Variants in MYOM2 observed in about 807,000 individuals in gnomAD.
MYOM2 encodes myomesin 2, also known as myomesin-2.
A neutral mutation model predicts 187.6 loss-of-function variants in MYOM2; 254 were observed. That is an observed-to-expected ratio of 1.35 (90% CI 1.22 to 1.50). The LOEUF is 1.50. MYOM2 is among the 40% of genes most tolerant of loss of function. MYOM2 has a pLI of 0.00. For synonymous variants in MYOM2, 981 were observed against 753.8 expected, an observed-to-expected ratio of 1.30 and a Z score of -4.94; for missense variants, 2,796 against 1,924.0, an observed-to-expected ratio of 1.45 and a Z score of -8.48.
At chr8:2,052,562 T>C (rs1818528019) in intron 3 of MYOM2, among the ~76,000 whole-genome samples, 2 of 152,212 alleles carry the variant, frequency 1.3e-5, no homozygotes, top group African/African-American at 4.8e-5. Context: ...AAGAGAGCGT[T>C]GCTGTTCAGA....
chr8:2,085,468 G>GTGATCTCTTTGTGGCCCCCCA (rs1819794033), intron 14 of MYOM2, 78 bp downstream of exon 14: 1 of 1,414,776 alleles, frequency 7.1e-7, no homozygotes, highest in Non-Finnish European at 9.4e-7. Context: ...GTGGCCCACC[G>GTGATCTCTTTGTGGCCCCCCA]CTGTCGTGAT....
intron 14 of MYOM2, among the ~76,000 whole-genome samples, chr8:2,086,458 CCA>C (rs1796068419): frequency 6.7e-6 from 1 of 149,552 alleles, no homozygotes; most frequent in African/African-American, 2.5e-5. Context: ...GTCGTGATCT[CCA>C]CGTGGCCACA....
intron 20 of MYOM2, 66 bp downstream of exon 20, chr8:2,101,120 C>T: frequency 1.3e-6 from 2 of 1,534,886 alleles, no homozygotes; most frequent in Admixed American, 1.8e-5. Context: ...TAAAGGCGGG[C>T]CAATCACTTG....
At chr8:2,070,064 C>T (rs1819161286) in intron 8 of MYOM2, among the ~76,000 whole-genome samples, 1 of 152,188 alleles carries the variant, frequency 6.6e-6, no homozygotes, top group Non-Finnish European at 1.5e-5. Flanking sequence ...CCTCTCTGGC[C>T]CTGAGCTGGC....
At position 2,104,135 on chromosome 8, in the gene MYOM2, T is replaced by TA. The variant is rs765284563; in HGVS notation, c.2734+1355dup. On this transcript the variant is annotated intron_variant, in intron 21 of 36. Coordinates refer to ENST00000262113, the MANE Select transcript of MYOM2 (RefSeq NM_003970.4). ...TTTTTAAATATTACTGCTGGATTTT[T>TA]ATCAGAAAATTTTAAAAAGCTGTTG... is the stretch of plus-strand genomic sequence containing the variant. 1.3e-3 allele frequency among the ~76,000 whole-genome samples: 134 copies of TA among 104,700 alleles called. 1 individual carries two copies. The highest frequency in any genetic ancestry group is 2.5e-3 in the Non-Finnish European group (130 of 51,160). 68.7% of individuals were successfully genotyped at this position (104,700 alleles called of 152,430 possible).
At chr8:2,142,282 A>G (rs756611217) in intron 34 of MYOM2, 93 bp from the exon 35 acceptor site, 29 of 1,245,108 alleles carry the variant, frequency 2.3e-5, no homozygotes, top group African/African-American at 4.5e-5. Flanking sequence ...CTTTTGCTTC[A>G]TCGCTAGTGA....
chr8:2,093,832 A>C (rs1037789911), intron 16 of MYOM2, 138 bp from the exon 17 acceptor site: 1 of 1,028,944 alleles, frequency 9.7e-7, no homozygotes, highest in Non-Finnish European at 1.4e-6. Context: ...TGTTGAGCTA[A>C]TTAACTAGAA....
Position 2,124,178 on chromosome 8 carries a change from G to C in MYOM2, c.3656-1G>C, listed in dbSNP as rs763685283. On this transcript the variant is annotated splice_acceptor_variant, in intron 30 of 36. Coordinates refer to ENST00000262113, the MANE Select transcript of MYOM2 (RefSeq NM_003970.4). LOFTEE classifies it high-confidence loss of function. ...TGGTGCGTATCCCTTCTCATTTTCA[G>C]TGTATGATGATATGATTTTGGCAAT... 1.9e-6 allele frequency: 3 copies of C among 1,612,130 alleles called. No individual in the cohort carries two copies. Among genetic ancestry groups the C allele is most frequent in the Non-Finnish European group, 8.5e-7 (1 of 1,178,918 alleles).
In MYOM2 at chr8:2,057,642, G is replaced by T. The variant is rs999986401; in HGVS notation, c.422G>T (p.Trp141Leu). 1.2e-6 allele frequency: 2 copies of T among 1,613,988 alleles called. No individual in the cohort carries two copies. Among genetic ancestry groups the T allele is most frequent in the African/African-American group, 1.3e-5 (1 of 74,896 alleles). Residue 141 changes from tryptophan to leucine, a missense_variant, in exon 5 of 37, where the codon TGG (tryptophan) becomes TTG (leucine). Trp to Leu is a moderately conservative substitution (Grantham distance 61). Coordinates refer to ENST00000262113, the MANE Select transcript of MYOM2 (RefSeq NM_003970.4). ...GGGCAGATGGAGGACAAGCTGGCCT[G>T]GGAGAGACACACATTTGAAGAGCGG... ...IQQMMEDKLA[W>L]ERHTFEERIS...
intron 6 of MYOM2, among the ~76,000 whole-genome samples, chr8:2,062,805 T>C (rs1408847847): frequency 6.6e-6 from 1 of 152,176 alleles, no homozygotes; most frequent in African/African-American, 2.4e-5. Flanking sequence ...CAGATCAGCT[T>C]GTTCCCAAGC....
intron 11 of MYOM2, among the ~76,000 whole-genome samples, chr8:2,077,733 C>T (rs1376282428): frequency 2.0e-5 from 3 of 152,162 alleles, no homozygotes; most frequent in Non-Finnish European, 1.5e-5. Context: ...CGCTCCTCCC[C>T]TCATTACAAA....
intron 10 of MYOM2, among the ~76,000 whole-genome samples, chr8:2,074,524 G>C (rs776891423): frequency 1.3e-5 from 2 of 151,968 alleles, no homozygotes; most frequent in African/African-American, 4.8e-5. Context: ...GCGCGACCTC[G>C]GCTCACTGCA....
intron 25 of MYOM2, among the ~76,000 whole-genome samples, chr8:2,110,154 C>G (rs958217107): frequency 1.3e-5 from 2 of 152,152 alleles, no homozygotes; most frequent in Admixed American, 6.5e-5. Context: ...GAGATCCCAT[C>G]TCTACAAAAA....
rs1390205653 is a variant in MYOM2, at chr8:2,143,459, G to A, written c.4080+3G>A. ...TGGTGACCATCATGGAAGGGAAGGT[G>A]AGGATTCTAAACTCGGCCGGGGTGG... On this transcript the variant is annotated splice_donor_region_variant and intron_variant, in intron 36 of 36. Transcript: ENST00000262113. 1 of 1,614,144 alleles carries A rather than the reference G, an allele frequency of 6.2e-7. No individual in the cohort carries two copies. The highest frequency in any genetic ancestry group is 1.1e-5 in the South Asian group (1 of 91,084).
At position 2,116,061 on chromosome 8, in the gene MYOM2, T is replaced by G. The variant is rs149157793; in HGVS notation, c.3282T>G (p.Asp1094Glu). The change falls in exon 26 of 37, where the codon GAT becomes GAG. Residue 1094 changes from aspartate to glutamate, a missense_variant. Asp to Glu is a conservative substitution (Grantham distance 45, BLOSUM62 2). Transcript: ENST00000262113. ...GGACCTACACTGTGCAGATTCATGA[T>G]GGGAAAGCCAAAAGTCAGTCTTCTC... is the stretch of plus-strand genomic sequence containing the variant. ...NEGTYTVQIHDGKAKSQSSLV... is the reference protein window; with the variant it reads ...NEGTYTVQIHEGKAKSQSSLV... 105 of 1,613,794 alleles carry G rather than the reference T, an allele frequency of 6.5e-5. No individual in the cohort carries two copies. The African/African-American group carries it at 1.3e-3, about 20-fold the overall frequency.
At chr8:2,124,593 A>G (rs1158351356) in intron 31 of MYOM2, among the ~76,000 whole-genome samples, 1 of 152,218 alleles carries the variant, frequency 6.6e-6, no homozygotes, top group Non-Finnish European at 1.5e-5. Context: ...ACATTAAACC[A>G]TATGTTATCT....
At chr8:2,116,816 GAT>G (rs1321855223) in intron 27 of MYOM2, among the ~76,000 whole-genome samples, 4 of 152,150 alleles carry the variant, frequency 2.6e-5, no homozygotes, top group African/African-American at 9.7e-5. Context: ...GGAGTGCGGT[GAT>G]GCCATCTTGG....
At chr8:2,097,227 T>A (rs1349486739) in intron 18 of MYOM2, 2 of 443,998 alleles carry the variant, frequency 4.5e-6, no homozygotes, top group African/African-American at 4.3e-5. Context: ...ATGTTAATAT[T>A]TTATACACAT....
At chr8:2,059,721 T>C (rs980186118) in intron 6 of MYOM2, among the ~76,000 whole-genome samples, 1 of 151,742 alleles carries the variant, frequency 6.6e-6, no homozygotes, top group Non-Finnish European at 1.5e-5. Flanking sequence ...GCATTTCTTT[T>C]TTCCTCACGC....
Sources: gnomAD v4.1 joint callset for allele counts (sites outside exome capture counted in the v4.1 genomes callset) on GRCh38, gnomAD v4.1.1 for gene constraint, MANE v1.5 for transcripts, NCBI Gene and HGNC (gene_info 2026-07-23, HGNC 2026-07-21) for gene names.